SLC8A1: variants seen among roughly 807,000 people sequenced by gnomAD.
The protein encoded by SLC8A1 is solute carrier family 8 member A1, also known as sodium/calcium exchanger 1.
SLC8A1 carries 18 observed loss-of-function variants against 68.3 expected under a neutral mutation model. That is an observed-to-expected ratio of 0.26 (90% confidence interval 0.18 to 0.39). The LOEUF (loss-of-function observed/expected upper bound fraction) is 0.39. Ranked by LOEUF, SLC8A1 falls within the 10% of genes least tolerant of loss-of-function variation. The pLI, the probability that SLC8A1 is intolerant of heterozygous loss-of-function variation, is 1.00. For synonymous variants in SLC8A1, 475 were observed against 415.5 expected, an observed-to-expected ratio of 1.14 and a Z score of -1.74; for missense variants, 985 against 1,156.7, an observed-to-expected ratio of 0.85 and a Z score of 2.15.
intron 4 of SLC8A1, among the ~76,000 whole-genome samples, chr2:40,167,847 A>T (rs536502016): frequency 6.6e-6 from 1 of 152,312 alleles, no homozygotes; most frequent in East Asian, 1.9e-4. Flanking sequence ...GACTGTTTTT[A>T]AATTTTTTAA....
exon 8 of SLC8A1, chr2:40,115,468 A>G: frequency 6.2e-7 from 1 of 1,614,168 alleles, no homozygotes; most frequent in Non-Finnish European, 8.5e-7. Context: ...GTGCCAGGGG[A>G]CACTTTGAAC....
At chr2:40,167,625 A>G (rs2046770592) in intron 4 of SLC8A1, among the ~76,000 whole-genome samples, 1 of 152,194 alleles carries the variant, frequency 6.6e-6, no homozygotes, top group Admixed American at 6.5e-5. Flanking sequence ...AAAGGGACTT[A>G]GATTTCTTAA....
At chr2:40,253,272 CAT>C (rs1371513782) in intron 2 of SLC8A1, among the ~76,000 whole-genome samples, 3 of 149,206 alleles carry the variant, frequency 2.0e-5, no homozygotes, top group African/African-American at 5.0e-5. Context: ...TATACATGTA[CAT>C]ATGACGTATA....
In SLC8A1 at chr2:40,363,739, T is replaced by C. The variant is rs544262529; in HGVS notation, c.1808+64734A>G. Among the ~76,000 whole-genome samples, 10 of 152,194 alleles carry C rather than the reference T, an allele frequency of 6.6e-5. No homozygotes were observed. The East Asian group carries it at 1.6e-3, about 24-fold the overall frequency. On this transcript the variant is annotated intron_variant, in intron 2 of 7. Coordinates refer to ENST00000406785, the Ensembl canonical transcript of SLC8A1. ...TAATAATGACATCGCCTCGCTTGGA[T>C]GATTAATAACCAGTTGTTATGAGGA...
intron 2 of SLC8A1, among the ~76,000 whole-genome samples, chr2:40,286,530 AAAGAG>A (rs1417455850): frequency 6.6e-6 from 1 of 152,168 alleles, no homozygotes; most frequent in Non-Finnish European, 1.5e-5. Flanking sequence ...TTTGATGGAC[AAAGAG>A]AAAAGACTTG....
intron 2 of SLC8A1, among the ~76,000 whole-genome samples, chr2:40,206,090 T>A (rs1309264602): frequency 6.6e-6 from 1 of 151,970 alleles, no homozygotes; most frequent in African/African-American, 2.4e-5. Context: ...TCAACAAACT[T>A]AGGGTGAATA....
At chr2:40,189,929 T>C (rs1051866332) in intron 2 of SLC8A1, 4 of 152,186 alleles carry the variant, frequency 2.6e-5, no homozygotes, top group African/African-American at 9.6e-5. Context: ...TGTATGGAAG[T>C]TCTTGTCTGA....
At chr2:40,264,401 G>C (rs561696713) in intron 2 of SLC8A1, among the ~76,000 whole-genome samples, 1 of 152,100 alleles carries the variant, frequency 6.6e-6, no homozygotes, top group South Asian at 2.1e-4. Context: ...ACATGCACAC[G>C]TATGTTTATT....
At position 40,139,312 on chromosome 2, in the gene SLC8A1, C is replaced by T; in HGVS notation, c.2437+89G>A. 3.4e-6 allele frequency: 5 copies of T among 1,462,862 alleles called. No homozygotes were observed. In the South Asian group the frequency reaches 6.4e-5, roughly 19 times the overall value. The allele number at this position is 1,462,862 out of a possible 1,614,324, so 90.6% of individuals were successfully genotyped here. On this transcript the variant is annotated intron_variant, in intron 7 of 7. Coordinates refer to ENST00000406785, the Ensembl canonical transcript of SLC8A1. The stretch of plus-strand genomic sequence containing the variant: ...TCTTTCATAGGTCTTGGTTTGTTAT[C>T]ACAGCCCTTGAAATTGTAGGAAAGA...
chr2:40,299,722 A>G (rs1385033808), intron 2 of SLC8A1, among the ~76,000 whole-genome samples: 1 of 152,184 alleles, frequency 6.6e-6, no homozygotes, highest in African/African-American at 2.4e-5. Context: ...CCTCTGCCCA[A>G]ATAGCCTCCA....
intron 2 of SLC8A1, among the ~76,000 whole-genome samples, chr2:40,388,711 G>A (rs1684374597): frequency 6.6e-6 from 1 of 152,044 alleles, no homozygotes; most frequent in South Asian, 2.1e-4. Context: ...AACGCAAAGT[G>A]AACAATGCTC....
rs114208574 is a variant in SLC8A1, at chr2:40,165,078, C to T, written c.1931-94G>A. 2,171 of 1,509,160 alleles carry T rather than the reference C, an allele frequency of 1.4e-3. 24 individuals carry two copies. In the African/African-American group the frequency reaches 0.024, roughly 17 times the overall value. 93.5% of individuals were successfully genotyped at this position (1,509,160 alleles called of 1,614,324 possible). A position where few individuals can be genotyped will look rare whatever the true frequency, so the allele number is the denominator to read the frequency against. On this transcript the variant is annotated intron_variant, in intron 4 of 7. Transcript: ENST00000406785. ...ATAAGAAAGCCAAGGAGGAAGGAAG[C>T]CCTAATGACCTACTAAAGCCCCCTG...
At chr2:40,419,761 T>C (rs1241992650) in intron 2 of SLC8A1, among the ~76,000 whole-genome samples, 1 of 152,198 alleles carries the variant, frequency 6.6e-6, no homozygotes, top group Non-Finnish European at 1.5e-5. Flanking sequence ...AAATAGGACT[T>C]AATTTTGCGT....
At chr2:40,248,946 A>C (rs984357148) in intron 2 of SLC8A1, among the ~76,000 whole-genome samples, 3 of 152,194 alleles carry the variant, frequency 2.0e-5, no homozygotes, top group East Asian at 1.9e-4. Context: ...ATGTCTTTTA[A>C]TTTGATTCCA....
chr2:40,369,507 TTCTG>T (rs1157990630), intron 2 of SLC8A1, among the ~76,000 whole-genome samples: 1 of 152,002 alleles, frequency 6.6e-6, no homozygotes, highest in Non-Finnish European at 1.5e-5. Flanking sequence ...ATGTTAAGAG[TTCTG>T]TCTGTTTTTC....
chr2:40,444,324 G>A (rs1211477550), intron 1 of SLC8A1, among the ~76,000 whole-genome samples: 1 of 152,170 alleles, frequency 6.6e-6, no homozygotes, highest in Non-Finnish European at 1.5e-5. Context: ...GGGTGACAGA[G>A]TGAGACCCTG....
At chr2:40,298,187 A>G (rs971267301) in intron 2 of SLC8A1, among the ~76,000 whole-genome samples, 1 of 152,122 alleles carries the variant, frequency 6.6e-6, no homozygotes, top group African/African-American at 2.4e-5. Context: ...TGGTCTGTAC[A>G]TCCTAAAAAA....
intron 1 of SLC8A1, among the ~76,000 whole-genome samples, chr2:40,437,052 G>C (rs574896360): frequency 5.3e-5 from 8 of 152,102 alleles, no homozygotes; most frequent in Non-Finnish European, 1.2e-4. Context: ...ATACTACAAG[G>C]AGATATTATC....
At chr2:40,230,214 T>TAAAG (rs918271233) in intron 2 of SLC8A1, among the ~76,000 whole-genome samples, 1 of 152,204 alleles carries the variant, frequency 6.6e-6, no homozygotes, top group Non-Finnish European at 1.5e-5. Flanking sequence ...CAGGTTACTC[T>TAAAG]AAAGATTCTA....
Sources: allele counts gnomAD v4.1 joint callset (sites outside exome capture counted in the v4.1 genomes callset), GRCh38; gene constraint gnomAD v4.1.1; transcripts MANE v1.5; gene names NCBI Gene and HGNC (gene_info 2026-07-23, HGNC 2026-07-21).